The following MNAT1 variants were observed in gnomAD, a reference collection of about 807,000 sequenced individuals.
MNAT1 encodes MNAT1 component of CDK activating kinase.
In MNAT1, 43 loss-of-function variants were observed where a neutral mutation model predicts 42.0. That is an observed-to-expected ratio of 1.02 (90% CI 0.80 to 1.32). MNAT1 has a LOEUF of 1.32. Among genes scored for constraint, MNAT1 ranks in the 40% most tolerant of loss-of-function variants. The pLI, the probability that MNAT1 is intolerant of heterozygous loss-of-function variation, is 0.00. For missense variants in MNAT1, 306 were observed against 350.4 expected (o/e 0.87, Z 1.01); for synonymous variants, 118 against 120.0 (o/e 0.98, Z 0.11).
chr14:60,849,273 G>T (rs1300022074), intron 6 of MNAT1, among the ~76,000 whole-genome samples: 1 of 152,024 alleles, frequency 6.6e-6, no homozygotes, highest in Non-Finnish European at 1.5e-5. Context: ...TTTCATTTCT[G>T]GGGCTTACTT....
In MNAT1 at chr14:60,759,063, C is replaced by G. The variant is rs573174623; in HGVS notation, c.89+24112C>G. 5.9e-5 allele frequency among the ~76,000 whole-genome samples: 9 copies of G among 152,270 alleles called. No homozygotes were observed. In the South Asian group the frequency reaches 1.7e-3, roughly 28 times the overall value. ...GCCTGAGAGATTTCAAACTGAAACT[C>G]TGAGAGATTGTTTGAGGCAGCTGCT... On this transcript the variant is annotated intron_variant, in intron 1 of 7. Transcript: ENST00000261245.
intron 7 of MNAT1, among the ~76,000 whole-genome samples, chr14:60,962,218 A>C (rs956588706): frequency 2.0e-5 from 3 of 152,234 alleles, no homozygotes; most frequent in African/African-American, 7.2e-5. Flanking sequence ...ATATAATGGC[A>C]ATACTGAAAT....
intron 7 of MNAT1, among the ~76,000 whole-genome samples, chr14:60,884,600 TA>T (rs1467922585): frequency 6.6e-6 from 1 of 152,130 alleles, no homozygotes; most frequent in Non-Finnish European, 1.5e-5. Context: ...CTCTACACTT[TA>T]ACTTTGTCCC....
At chr14:60,936,292 G>A (rs186890315) in intron 7 of MNAT1, among the ~76,000 whole-genome samples, 1,607 of 152,064 alleles carry the variant, frequency 0.011, 51 homozygotes, top group Admixed American at 0.07. Context: ...GGTTTGTTAC[G>A]TGTGTATACA....
chr14:60,831,254 G>A (rs1258897420), intron 6 of MNAT1, among the ~76,000 whole-genome samples: 2 of 152,124 alleles, frequency 1.3e-5, no homozygotes, highest in African/African-American at 2.4e-5. Context: ...AGGTATACAC[G>A]AGCCATGGTG....
chr14:60,827,473 T>C (rs904172999), intron 6 of MNAT1, among the ~76,000 whole-genome samples: 1 of 152,128 alleles, frequency 6.6e-6, no homozygotes, highest in Admixed American at 6.6e-5. Flanking sequence ...ATGTGAGTTA[T>C]AGAAAATTAA....
intron 6 of MNAT1, among the ~76,000 whole-genome samples, chr14:60,861,343 T>A (rs2034090093): frequency 6.6e-6 from 1 of 152,146 alleles, no homozygotes; most frequent in Admixed American, 6.5e-5. Context: ...GGATATAAAT[T>A]ATTTAAAACA....
At chr14:60,842,063 G>A (rs2033567456) in intron 6 of MNAT1, among the ~76,000 whole-genome samples, 1 of 152,158 alleles carries the variant, frequency 6.6e-6, no homozygotes, top group African/African-American at 2.4e-5. Context: ...TAGAGCAGAG[G>A]TGGACAAACG....
chr14:60,828,711 C>T (rs1466984710), intron 6 of MNAT1, among the ~76,000 whole-genome samples: 2 of 152,094 alleles, frequency 1.3e-5, no homozygotes, highest in Non-Finnish European at 2.9e-5. Flanking sequence ...AGACATCAAT[C>T]GAAAGCTCCA....
intron 7 of MNAT1, among the ~76,000 whole-genome samples, chr14:60,913,869 T>G (rs1003315507): frequency 6.6e-5 from 10 of 152,200 alleles, no homozygotes; most frequent in Non-Finnish European, 1.5e-5. Context: ...GACAGGGACA[T>G]TTAAGACTGC....
At chr14:60,764,633 A>C (rs2030740376) in intron 1 of MNAT1, among the ~76,000 whole-genome samples, 1 of 152,220 alleles carries the variant, frequency 6.6e-6, no homozygotes, top group Non-Finnish European at 1.5e-5. Flanking sequence ...GGGTAAGAAG[A>C]AGCGGTCTAA....
At chr14:60,741,666 T>TTTTTG (rs1896466931) in intron 1 of MNAT1, among the ~76,000 whole-genome samples, 1 of 145,912 alleles carries the variant, frequency 6.9e-6, no homozygotes, top group Non-Finnish European at 1.5e-5. Context: ...GGGTTTTTTT[T>TTTTTG]TTTTTTTTTT....
chr14:60,915,576 C>T (rs1436795960), intron 7 of MNAT1, among the ~76,000 whole-genome samples: 1 of 152,136 alleles, frequency 6.6e-6, no homozygotes, highest in Non-Finnish European at 1.5e-5. Flanking sequence ...AATAGAATCT[C>T]ACCATTTGTT....
chr14:60,944,420 C>T (rs530514967), intron 7 of MNAT1, among the ~76,000 whole-genome samples: 8 of 152,278 alleles, frequency 5.3e-5, no homozygotes, highest in South Asian at 4.1e-4. Flanking sequence ...CTCTCTGCCA[C>T]GTGAGGACAC....
chr14:60,925,084 G>A (rs1055952430), intron 7 of MNAT1, among the ~76,000 whole-genome samples: 1 of 152,064 alleles, frequency 6.6e-6, no homozygotes, highest in Non-Finnish European at 1.5e-5. Context: ...AAAGTATTTG[G>A]GGAGAAAAAC....
chr14:60,751,765 T>TA (rs34806566), intron 1 of MNAT1, among the ~76,000 whole-genome samples: 176 of 145,678 alleles, frequency 1.2e-3, no homozygotes, highest in Middle Eastern at 3.5e-3. Context: ...TTGGAATATG[T>TA]AAAAAAAAAA....
At chr14:60,750,936 G>A (rs1442198961) in intron 1 of MNAT1, among the ~76,000 whole-genome samples, 1 of 152,068 alleles carries the variant, frequency 6.6e-6, no homozygotes, top group African/African-American at 2.4e-5. Context: ...GTCTGATTTG[G>A]CTCTCAGGCT....
chr14:60,895,918 C>T (rs757911200), intron 7 of MNAT1, among the ~76,000 whole-genome samples: 8 of 152,096 alleles, frequency 5.3e-5, no homozygotes, highest in Non-Finnish European at 1.2e-4. Flanking sequence ...CAGGCACTTT[C>T]AAGATAATTT....
intron 7 of MNAT1, among the ~76,000 whole-genome samples, chr14:60,919,081 G>A (rs2035596329): frequency 6.6e-6 from 1 of 151,984 alleles, no homozygotes; most frequent in South Asian, 2.1e-4. Flanking sequence ...CACACAGACA[G>A]TCTGCTCAGC....
Sources: gnomAD v4.1 joint callset for allele counts (sites outside exome capture counted in the v4.1 genomes callset) on GRCh38, gnomAD v4.1.1 for gene constraint, MANE v1.5 for transcripts, NCBI Gene and HGNC (gene_info 2026-07-23, HGNC 2026-07-21) for gene names.